The following FOXP2 variants were observed in gnomAD, a reference collection of about 807,000 sequenced individuals.
FOXP2 encodes the protein forkhead box protein P2.
In FOXP2, 12 loss-of-function variants were observed where a neutral mutation model predicts 115.8. That is an observed-to-expected ratio of 0.10 (90% CI 0.07 to 0.17). The LOEUF (loss-of-function observed/expected upper bound fraction) is 0.17. FOXP2 is among the 10% of genes least tolerant of loss of function. The pLI is 1.00. For missense variants in FOXP2, 629 were observed against 843.5 expected, an observed-to-expected ratio of 0.75 and a Z score of 3.15; for synonymous variants, 328 against 297.7, an observed-to-expected ratio of 1.10 and a Z score of -1.05.
intron 1 of FOXP2, among the ~76,000 whole-genome samples, chr7:114,174,234 C>G (rs1017662844): frequency 1.3e-5 from 2 of 151,996 alleles, no homozygotes; most frequent in Non-Finnish European, 2.9e-5. Flanking sequence ...TGTCTTCTCT[C>G]TCTCTCTAAC....
chr7:114,530,236 A>G (rs916352223), intron 2 of FOXP2, among the ~76,000 whole-genome samples: 6 of 151,914 alleles, frequency 3.9e-5, no homozygotes, highest in Non-Finnish European at 8.8e-5. Flanking sequence ...TTTGGGCTGC[A>G]TCTATTTTCA....
At chr7:114,112,735 C>T (rs1327673569) in intron 1 of FOXP2, among the ~76,000 whole-genome samples, 1 of 152,156 alleles carries the variant, frequency 6.6e-6, no homozygotes, top group Middle Eastern at 3.2e-3. Context: ...CCTAAAGGAA[C>T]ACCGGTGGGA....
chr7:114,616,456 C>A (rs1029937312), intron 3 of FOXP2, among the ~76,000 whole-genome samples: 1 of 152,122 alleles, frequency 6.6e-6, no homozygotes, highest in Non-Finnish European at 1.5e-5. Context: ...AGCCACCATG[C>A]CTGGCCTACA....
chr7:114,517,770 A>G (rs952322919), intron 2 of FOXP2, among the ~76,000 whole-genome samples: 2 of 152,142 alleles, frequency 1.3e-5, no homozygotes, highest in African/African-American at 4.8e-5. Flanking sequence ...TGATGCCTCC[A>G]GCTTTGTCTT....
intron 3 of FOXP2, among the ~76,000 whole-genome samples, chr7:114,543,706 A>C (rs1799791999): frequency 6.6e-6 from 1 of 152,226 alleles, no homozygotes; most frequent in African/African-American, 2.4e-5. Flanking sequence ...TGATTGTTTC[A>C]TGGCTTGAAG....
chr7:114,392,440 A>C (rs1792627014), intron 2 of FOXP2, among the ~76,000 whole-genome samples: 1 of 152,210 alleles, frequency 6.6e-6, no homozygotes, highest in African/African-American at 2.4e-5. Flanking sequence ...GTCATGGTGC[A>C]GAGATGGGTT....
intron 3 of FOXP2, among the ~76,000 whole-genome samples, chr7:114,578,569 G>T (rs765821682): frequency 6.6e-6 from 1 of 151,900 alleles, no homozygotes; most frequent in Non-Finnish European, 1.5e-5. Flanking sequence ...TATTAATTTT[G>T]CCAGGCCATT....
chr7:114,087,221 A>T (rs1799437581), upstream of FOXP2, among the ~76,000 whole-genome samples: 1 of 152,132 alleles, frequency 6.6e-6, no homozygotes, highest in Admixed American at 6.5e-5. Context: ...GTACTTCTCC[A>T]GGAAGGAGAG....
chr7:114,412,158 G>A (rs1793180111), upstream of FOXP2, among the ~76,000 whole-genome samples: 1 of 151,996 alleles, frequency 6.6e-6, no homozygotes, highest in Non-Finnish European at 1.5e-5. Context: ...ACCACAGTCT[G>A]GTTAGCAATC....
intron 1 of FOXP2, among the ~76,000 whole-genome samples, chr7:114,211,476 G>C (rs1157106922): frequency 6.6e-6 from 1 of 152,200 alleles, no homozygotes; most frequent in Admixed American, 6.5e-5. Context: ...TCCGCTCCTG[G>C]ATGGGCTGTC....
At chr7:114,508,122 G>A (rs1797913098) in intron 2 of FOXP2, among the ~76,000 whole-genome samples, 1 of 151,882 alleles carries the variant, frequency 6.6e-6, no homozygotes, top group Non-Finnish European at 1.5e-5. Flanking sequence ...AATAATTAAA[G>A]TATTAATTTA....
chr7:114,273,309 GT>G (rs1170274475), intron 1 of FOXP2, among the ~76,000 whole-genome samples: 1 of 151,962 alleles, frequency 6.6e-6, no homozygotes, highest in East Asian at 1.9e-4. Context: ...AGCAGATGTT[GT>G]TTGGATTCAA....
chr7:114,353,714 C>A (rs1791549758), intron 2 of FOXP2, among the ~76,000 whole-genome samples: 1 of 152,072 alleles, frequency 6.6e-6, no homozygotes, highest in African/African-American at 2.4e-5. Context: ...AACTGGATGT[C>A]TTTCTACTCC....
At position 114,663,534 on chromosome 7, in the gene FOXP2, C is replaced by A; in HGVS notation, c.1839+15C>A. 1 of 1,595,128 alleles carries A rather than the reference C, an allele frequency of 6.3e-7. No individual in the cohort carries two copies. The highest frequency in any genetic ancestry group is 8.6e-7 in the Non-Finnish European group (1 of 1,167,150). ...CCAGTTTGCAGGTAATGTACTTTCCCAGTTTTGTTGTATTTGAATGTTTAG... is the reference window on the plus strand; with the variant it reads ...CCAGTTTGCAGGTAATGTACTTTCCAAGTTTTGTTGTATTTGAATGTTTAG... On this transcript the variant is annotated intron_variant, in intron 15 of 16. Coordinates refer to ENST00000350908, the MANE Select transcript of FOXP2 (RefSeq NM_014491.4).
rs186258183 is a variant in FOXP2 at position 114,578,312 on chromosome 7, C to T, written c.258+43606C>T. On this transcript the variant is annotated intron_variant, in intron 3 of 16. Coordinates refer to ENST00000350908, the MANE Select transcript of FOXP2 (RefSeq NM_014491.4). ...AGGGTTGCGCCCTGTTACTACATTG[C>T]CAGATTGCCAAAATTCAAAGGAAGG... is the stretch of plus-strand genomic sequence containing the variant. 1.8e-3 allele frequency among the ~76,000 whole-genome samples: 277 copies of T among 152,002 alleles called. 1 individual carries two copies. Among genetic ancestry groups the T allele is most frequent in the Admixed American group, 2.8e-3 (43 of 15,238 alleles).
rs1355988248 is a variant in FOXP2, at chr7:114,415,076, C to G, written c.-295C>G. 2.2e-6 allele frequency: 1 copy of G among 454,036 alleles called. No homozygotes were observed. The highest frequency in any genetic ancestry group is 2.0e-5 in the African/African-American group (1 of 49,928). The allele number at this position is 454,036 out of a possible 1,614,324, so 28.1% of individuals were successfully genotyped here. On this transcript the variant is annotated 5_prime_UTR_variant, in exon 1 of 17. Coordinates refer to ENST00000350908, the MANE Select transcript of FOXP2 (RefSeq NM_014491.4). ...AATGCTGATTTTGTGTACGATTGTC[C>G]ACGGACGCCAAAACAATCACAGAGC...
intron 1 of FOXP2, among the ~76,000 whole-genome samples, chr7:114,225,347 A>G (rs969041177): frequency 2.0e-5 from 3 of 150,888 alleles, no homozygotes; most frequent in African/African-American, 7.3e-5. Flanking sequence ...GTTAGGGAAT[A>G]TTATTAACTA....
chr7:114,181,452 C>T (rs1793455695), intron 1 of FOXP2, among the ~76,000 whole-genome samples: 1 of 151,826 alleles, frequency 6.6e-6, no homozygotes. Context: ...TTGGAAAGTA[C>T]CCCTTCCTTA....
intron 2 of FOXP2, among the ~76,000 whole-genome samples, chr7:114,462,738 C>T (rs770903190): frequency 5.9e-5 from 9 of 152,140 alleles, no homozygotes; most frequent in Non-Finnish European, 1.2e-4. Context: ...TGAAATCAGA[C>T]ATATGCATTC....
Sources: gnomAD v4.1 joint callset for allele counts (sites outside exome capture counted in the v4.1 genomes callset) on GRCh38, gnomAD v4.1.1 for gene constraint, MANE v1.5 for transcripts, NCBI Gene and HGNC (gene_info 2026-07-23, HGNC 2026-07-21) for gene names.